The following KCNIP4 variants were observed in gnomAD, a reference collection of about 807,000 sequenced individuals.
KCNIP4 encodes the protein Kv channel-interacting protein 4.
In KCNIP4, 12 loss-of-function variants were observed where a neutral mutation model predicts 34.0. The ratio of observed to expected loss-of-function variants is 0.35; its 90% CI spans 0.23 to 0.57. KCNIP4 has a LOEUF of 0.57. Among genes scored for constraint, KCNIP4 ranks in the 20% least tolerant of loss-of-function variants. The pLI, the probability that KCNIP4 is intolerant of heterozygous loss-of-function variation, is 0.83. For missense variants in KCNIP4, 238 were observed against 311.7 expected (o/e 0.76, Z 1.78); for synonymous variants, 124 against 102.2 (o/e 1.21, Z -1.29).
chr4:21,628,707 G>A (rs935549828), intron 1 of KCNIP4, among the ~76,000 whole-genome samples: 2 of 151,328 alleles, frequency 1.3e-5, no homozygotes, highest in African/African-American at 4.9e-5. Flanking sequence ...TACTTTTAAC[G>A]GCACTAGAAA....
chr4:21,255,448 C>A (rs1761001374), intron 1 of KCNIP4, among the ~76,000 whole-genome samples: 1 of 152,074 alleles, frequency 6.6e-6, no homozygotes. Flanking sequence ...AAAAATCCAT[C>A]TTCAGGCCAA....
chr4:21,117,797 A>G (rs973018944), intron 1 of KCNIP4, among the ~76,000 whole-genome samples: 1 of 152,072 alleles, frequency 6.6e-6, no homozygotes, highest in African/African-American at 2.4e-5. Flanking sequence ...TTTTGCCTCT[A>G]CTGGGGAGTG....
chr4:21,402,376 T>C (rs909907120), intron 1 of KCNIP4, among the ~76,000 whole-genome samples: 1 of 152,218 alleles, frequency 6.6e-6, no homozygotes, highest in African/African-American at 2.4e-5. Context: ...TCTCTTCATA[T>C]TATCACAGTT....
intron 1 of KCNIP4, among the ~76,000 whole-genome samples, chr4:21,532,102 A>G (rs536262204): frequency 6.6e-6 from 1 of 152,248 alleles, no homozygotes; most frequent in African/African-American, 2.4e-5. Flanking sequence ...TGAGTCTTGG[A>G]ACACTTAACT....
At chr4:21,100,372 G>A (rs1747828657) in intron 1 of KCNIP4, among the ~76,000 whole-genome samples, 2 of 152,096 alleles carry the variant, frequency 1.3e-5, no homozygotes, top group African/African-American at 4.8e-5. Context: ...CTAACATGGT[G>A]AAACTCTGTC....
At chr4:20,810,783 G>T (rs1715654461) in intron 3 of KCNIP4, among the ~76,000 whole-genome samples, 1 of 152,250 alleles carries the variant, frequency 6.6e-6, no homozygotes, top group East Asian at 1.9e-4. Context: ...TATTTGAAAT[G>T]ATAAATACTT....
At chr4:21,372,979 G>T (rs1720626620) in intron 1 of KCNIP4, among the ~76,000 whole-genome samples, 1 of 145,834 alleles carries the variant, frequency 6.9e-6, no homozygotes, top group South Asian at 2.1e-4. Context: ...TAATTTAAGT[G>T]ACTGGATGCC....
rs1747105962 is a variant in KCNIP4, at chr4:20,729,270, A to AAACATCC, written c.*805_*811dup. 2.0e-5 allele frequency: 3 copies of AAACATCC among 152,118 alleles called. No homozygotes were observed. 9.4% of individuals were successfully genotyped at this position (152,118 alleles called of 1,614,324 possible). A position where few individuals can be genotyped will look rare whatever the true frequency, so the allele number is the denominator to read the frequency against. The stretch of plus-strand genomic sequence containing the variant: ...ATCCTGACCCTTTGCATATGTCTGT[A>AAACATCC]AACATCCTTGTTTTGTTTGATGCCT... On this transcript the variant is annotated 3_prime_UTR_variant, in exon 9 of 9. Coordinates refer to ENST00000382152, the MANE Select transcript of KCNIP4 (RefSeq NM_025221.6).
chr4:21,612,041 G>T (rs1322044148), intron 1 of KCNIP4, among the ~76,000 whole-genome samples: 1 of 152,138 alleles, frequency 6.6e-6, no homozygotes, highest in Non-Finnish European at 1.5e-5. Flanking sequence ...AGACATAATT[G>T]TCTTTTTAAT....
intron 1 of KCNIP4, among the ~76,000 whole-genome samples, chr4:21,347,975 T>A (rs1314452287): frequency 6.6e-6 from 1 of 152,158 alleles, no homozygotes; most frequent in African/African-American, 2.4e-5. Context: ...GATGTAGACT[T>A]AGGAGTCATG....
intron 1 of KCNIP4, among the ~76,000 whole-genome samples, chr4:21,518,215 A>T (rs1424151602): frequency 6.6e-6 from 1 of 152,156 alleles, no homozygotes; most frequent in Non-Finnish European, 1.5e-5. Context: ...TATCCATGGG[A>T]TCAATATATT....
chr4:20,944,865 C>T (rs115150071), intron 1 of KCNIP4, among the ~76,000 whole-genome samples: 570 of 53,878 alleles, frequency 0.011, 5 homozygotes, highest in African/African-American at 0.038. Context: ...TTTCTGAGCA[C>T]GTGTTTATAC....
intron 1 of KCNIP4, among the ~76,000 whole-genome samples, chr4:21,077,605 T>C (rs780870934): frequency 2.0e-5 from 3 of 152,166 alleles, no homozygotes; most frequent in South Asian, 2.1e-4. Flanking sequence ...GAGTAAATCA[T>C]GTAATTTCTA....
intron 1 of KCNIP4, among the ~76,000 whole-genome samples, chr4:21,818,724 C>T (rs1722141047): frequency 1.3e-5 from 2 of 152,146 alleles, no homozygotes; most frequent in Non-Finnish European, 2.9e-5. Flanking sequence ...TTTAAATCCC[C>T]TCTGTATTTT....
At chr4:20,774,867 T>C (rs993960843) in intron 3 of KCNIP4, among the ~76,000 whole-genome samples, 4 of 152,164 alleles carry the variant, frequency 2.6e-5, no homozygotes, top group Non-Finnish European at 5.9e-5. Flanking sequence ...GCTAGTTACA[T>C]TAAGAATCAA....
intron 1 of KCNIP4, among the ~76,000 whole-genome samples, chr4:20,977,902 A>T (rs1194353018): frequency 2.6e-5 from 4 of 152,106 alleles, no homozygotes; most frequent in Non-Finnish European, 5.9e-5. Context: ...CCCTCTCACA[A>T]TACTTTTTCA....
intron 1 of KCNIP4, among the ~76,000 whole-genome samples, chr4:21,077,602 T>A (rs978620621): frequency 6.6e-6 from 1 of 152,134 alleles, no homozygotes; most frequent in Non-Finnish European, 1.5e-5. Context: ...TCTGAGTAAA[T>A]CATGTAATTT....
At chr4:21,491,995 T>C (rs1732438215) in intron 1 of KCNIP4, among the ~76,000 whole-genome samples, 1 of 152,184 alleles carries the variant, frequency 6.6e-6, no homozygotes, top group South Asian at 2.1e-4. Flanking sequence ...CACAGGATCT[T>C]AGAAGTGGCC....
At chr4:21,474,896 G>C (rs1367431963) in intron 1 of KCNIP4, among the ~76,000 whole-genome samples, 2 of 151,354 alleles carry the variant, frequency 1.3e-5, no homozygotes, top group Non-Finnish European at 2.9e-5. Flanking sequence ...AGCTACTTAG[G>C]AGGCTGAGGC....
Sources: gnomAD v4.1 joint callset for allele counts (sites outside exome capture counted in the v4.1 genomes callset) on GRCh38, gnomAD v4.1.1 for gene constraint, MANE v1.5 for transcripts, NCBI Gene and HGNC (gene_info 2026-07-23, HGNC 2026-07-21) for gene names.